Variants in KLF12 observed in about 807,000 individuals in gnomAD.
KLF12 encodes Krueppel-like factor 12.
KLF12 carries 9 observed loss-of-function variants against 37.8 expected under a neutral mutation model. The observed-to-expected ratio is 0.24, with a 90% CI of 0.14 to 0.42. The LOEUF (loss-of-function observed/expected upper bound fraction) is 0.42, where lower values mean the gene tolerates loss of function less well. Among genes scored for constraint, KLF12 ranks in the 10% least tolerant of loss-of-function variants. The pLI is 1.00. For missense variants in KLF12, 411 were observed against 516.0 expected, an observed-to-expected ratio of 0.80 and a Z score of 1.97; for synonymous variants, 208 against 202.1, an observed-to-expected ratio of 1.03 and a Z score of -0.25.
intron 3 of KLF12, among the ~76,000 whole-genome samples, chr13:73,867,343 G>A (rs1408795858): frequency 6.6e-6 from 1 of 151,442 alleles, no homozygotes; most frequent in Non-Finnish European, 1.5e-5. Context: ...AACTAAAAAG[G>A]ACAGTTTACT....
At chr13:73,863,885 C>T (rs1367967934) in intron 3 of KLF12, among the ~76,000 whole-genome samples, 2 of 152,102 alleles carry the variant, frequency 1.3e-5, no homozygotes, top group Non-Finnish European at 2.9e-5. Context: ...AACACATGAA[C>T]ATTTACACTG....
At chr13:74,010,796 A>C (rs1892532183) in intron 1 of KLF12, among the ~76,000 whole-genome samples, 1 of 152,220 alleles carries the variant, frequency 6.6e-6, no homozygotes, top group African/African-American at 2.4e-5. Context: ...TTAGTTAATA[A>C]ATACAACCAG....
chr13:74,075,918 C>G (rs545108367), intron 1 of KLF12, among the ~76,000 whole-genome samples: 81 of 152,256 alleles, frequency 5.3e-4, no homozygotes, highest in African/African-American at 1.9e-3. Flanking sequence ...AAACACAATT[C>G]TGACATTAAC....
intron 1 of KLF12, among the ~76,000 whole-genome samples, chr13:74,055,676 G>A (rs769110834): frequency 4.7e-4 from 71 of 152,254 alleles, no homozygotes; most frequent in East Asian, 1.2e-3. Flanking sequence ...GTCAAGATAC[G>A]TCCAAAGGAA....
chr13:74,118,684 T>C (rs1052775981), intron 1 of KLF12, among the ~76,000 whole-genome samples: 9 of 152,260 alleles, frequency 5.9e-5, no homozygotes, highest in African/African-American at 2.2e-4. Flanking sequence ...AAAATGGAAT[T>C]AAACCAGTCC....
At chr13:73,917,644 A>G (rs1888909724) in intron 3 of KLF12, among the ~76,000 whole-genome samples, 1 of 152,222 alleles carries the variant, frequency 6.6e-6, no homozygotes, top group African/African-American at 2.4e-5. Context: ...GTAATAGTTA[A>G]CCTCATAAGT....
At chr13:73,853,620 T>A (rs1343950833) in intron 3 of KLF12, among the ~76,000 whole-genome samples, 1 of 151,834 alleles carries the variant, frequency 6.6e-6, no homozygotes, top group Non-Finnish European at 1.5e-5. Flanking sequence ...GCGCCTGTAA[T>A]CCCAGCTACT....
intron 5 of KLF12, among the ~76,000 whole-genome samples, chr13:73,799,480 A>G (rs1407483994): frequency 8.6e-6 from 1 of 115,736 alleles, no homozygotes; most frequent in Non-Finnish European, 1.8e-5. Flanking sequence ...AGGATTACAT[A>G]TAATATTTTA....
rs991219449 is a variant in KLF12 at position 73,687,522 on chromosome 13, C to T, written c.*7968G>A. 1.3e-5 allele frequency: 2 copies of T among 151,788 alleles called. No individual in the cohort carries two copies. Among genetic ancestry groups the T allele is most frequent in the Non-Finnish European group, 2.9e-5 (2 of 67,968 alleles). The allele number at this position is 151,788 out of a possible 1,614,324, so 9.4% of individuals were successfully genotyped here. On this transcript the variant is annotated 3_prime_UTR_variant, in exon 8 of 8. Transcript: ENST00000377669. ...TCTGGATGTAATTACAAAATTCTGCCATGGGAAAACTAGAACACAAGTAGG... is the reference window on the plus strand; with the variant it reads ...TCTGGATGTAATTACAAAATTCTGCTATGGGAAAACTAGAACACAAGTAGG...
chr13:74,059,195 C>T (rs1426002792), intron 1 of KLF12, among the ~76,000 whole-genome samples: 1 of 152,198 alleles, frequency 6.6e-6, no homozygotes, highest in African/African-American at 2.4e-5. Context: ...TGCTGACAGA[C>T]ATTTAGGTTG....
At chr13:73,774,620 A>C (rs1055692591) in intron 5 of KLF12, among the ~76,000 whole-genome samples, 3 of 152,202 alleles carry the variant, frequency 2.0e-5, no homozygotes, top group African/African-American at 7.2e-5. Context: ...ATGAGGATGT[A>C]AGATATTAAC....
intron 2 of KLF12, among the ~76,000 whole-genome samples, chr13:73,981,020 C>CGTGGG (rs1359366596): frequency 6.6e-6 from 1 of 151,938 alleles, no homozygotes; most frequent in Non-Finnish European, 1.5e-5. Context: ...ATTAGCCGGG[C>CGTGGG]GTGGTGATGC....
chr13:73,739,871 C>T (rs1877831539), intron 6 of KLF12, among the ~76,000 whole-genome samples: 1 of 152,216 alleles, frequency 6.6e-6, no homozygotes, highest in African/African-American at 2.4e-5. Context: ...ATCTTTTAAA[C>T]AAATTGTGTA....
the KLF12 span, among the ~76,000 whole-genome samples, chr13:74,268,425 A>T: frequency 5.9e-5 from 9 of 152,202 alleles, no homozygotes; most frequent in Admixed American, 3.3e-4. Flanking sequence ...TCATCAGATT[A>T]TGTCGTCCAA....
chr13:73,957,070 GGAAAGGA>G (rs1890866035), intron 2 of KLF12, among the ~76,000 whole-genome samples: 2 of 105,212 alleles, frequency 1.9e-5, no homozygotes, highest in South Asian at 7.0e-4. Context: ...GGAAAGGAAA[GGAAAGGA>G]AAGGAAAGGA....
chr13:74,062,101 T>C (rs1873626913), intron 1 of KLF12, among the ~76,000 whole-genome samples: 1 of 152,204 alleles, frequency 6.6e-6, no homozygotes, highest in Non-Finnish European at 1.5e-5. Context: ...TGGCTTCTCA[T>C]TGCTAAATCA....
chr13:74,291,177 G>C, the KLF12 span, among the ~76,000 whole-genome samples: 1 of 152,170 alleles, frequency 6.6e-6, no homozygotes, highest in Admixed American at 6.5e-5. Flanking sequence ...AGGGTTTTGT[G>C]CCATTAAATG....
chr13:73,755,726 C>T (rs1461567536), intron 6 of KLF12, among the ~76,000 whole-genome samples: 1 of 151,894 alleles, frequency 6.6e-6, no homozygotes, highest in African/African-American at 2.4e-5. Context: ...ATCACCTGAG[C>T]AGTGTACACT....
intron 3 of KLF12, among the ~76,000 whole-genome samples, chr13:73,853,469 G>A (rs565282236): frequency 3.3e-5 from 5 of 152,132 alleles, no homozygotes; most frequent in Non-Finnish European, 7.4e-5. Flanking sequence ...CAGGACAGGC[G>A]TGGTGGTTTA....
Sources: allele counts gnomAD v4.1 joint callset (sites outside exome capture counted in the v4.1 genomes callset), GRCh38; gene constraint gnomAD v4.1.1; transcripts MANE v1.5; gene names NCBI Gene and HGNC (gene_info 2026-07-23, HGNC 2026-07-21).